The following ZFAND6 variants were observed in gnomAD, a reference collection of about 807,000 sequenced individuals.
ZFAND6 encodes the protein AN1-type zinc finger protein 6.
ZFAND6 carries 12 observed loss-of-function variants against 24.5 expected under a neutral mutation model. The ratio of observed to expected loss-of-function variants is 0.49; its 90% confidence interval spans 0.31 to 0.79. The LOEUF is 0.79. Among genes scored for constraint, ZFAND6 ranks in the 30% least tolerant of loss-of-function variants. The pLI is 0.04. For missense variants in ZFAND6, 207 were observed against 245.9 expected (o/e 0.84, Z 1.06); for synonymous variants, 92 against 81.5 (o/e 1.13, Z -0.69).
chr15:80,080,252 C>T (rs962637500), intron 1 of ZFAND6, among the ~76,000 whole-genome samples: 1 of 152,140 alleles, frequency 6.6e-6, no homozygotes, highest in Non-Finnish European at 1.5e-5. Context: ...CCACTTCGGC[C>T]TCCCAAAGGG....
upstream of ZFAND6, among the ~76,000 whole-genome samples, chr15:80,058,960 G>A (rs955433005): frequency 4.6e-5 from 7 of 152,348 alleles, no homozygotes; most frequent in East Asian, 1.4e-3. Context: ...TAGTTCCAGC[G>A]CAGCAGCCCA....
chr15:80,073,235 ACTTCATTCAAACT>A (rs2037076403), intron 1 of ZFAND6: 1 of 257,434 alleles, frequency 3.9e-6, no homozygotes, highest in African/African-American at 2.3e-5. Flanking sequence ...CTTTCTTCTT[ACTTCATTCAAACT>A]CTTCATTTCT....
chr15:80,130,687 G>C (rs1428844065), intron 5 of ZFAND6: 2 of 152,744 alleles, frequency 1.3e-5, no homozygotes, highest in South Asian at 2.1e-4. Flanking sequence ...AACATTTAAA[G>C]TGCTTTTATG....
chr15:80,105,632 A>G (rs1348616494), intron 2 of ZFAND6, among the ~76,000 whole-genome samples: 1 of 152,216 alleles, frequency 6.6e-6, no homozygotes, highest in Non-Finnish European at 1.5e-5. Flanking sequence ...ACTATCTTAA[A>G]TGAAGTACTT....
At chr15:80,081,701 GAGT>G (rs2037680762) in intron 1 of ZFAND6, among the ~76,000 whole-genome samples, 2 of 152,176 alleles carry the variant, frequency 1.3e-5, no homozygotes, top group Admixed American at 6.5e-5. Context: ...CTTATTACAA[GAGT>G]AGGTTACAGT....
chr15:80,076,512 CTGTT>C (rs1226043788), intron 1 of ZFAND6, among the ~76,000 whole-genome samples: 2 of 152,030 alleles, frequency 1.3e-5, no homozygotes, highest in African/African-American at 4.8e-5. Context: ...GCGGTCATAT[CTGTT>C]TTTCTCTGCT....
At chr15:80,086,815 C>T (rs1013563181) in intron 1 of ZFAND6, among the ~76,000 whole-genome samples, 3 of 152,238 alleles carry the variant, frequency 2.0e-5, no homozygotes, top group African/African-American at 7.2e-5. Context: ...TAAACTATAA[C>T]TCCCAATCAC....
chr15:80,085,190 G>A (rs1350857068), intron 1 of ZFAND6, among the ~76,000 whole-genome samples: 1 of 152,136 alleles, frequency 6.6e-6, no homozygotes, highest in Admixed American at 6.5e-5. Context: ...GGCTACTCCT[G>A]TTCATTATCT....
At chr15:80,060,968 A>G (rs2036301828) in intron 1 of ZFAND6, among the ~76,000 whole-genome samples, 1 of 152,238 alleles carries the variant, frequency 6.6e-6, no homozygotes, top group African/African-American at 2.4e-5. Flanking sequence ...GAGAAACAGG[A>G]TTAAATTCCT....
intron 1 of ZFAND6, chr15:80,073,201 C>T: frequency 5.1e-6 from 1 of 195,646 alleles, no homozygotes; most frequent in South Asian, 6.6e-5. Flanking sequence ...ATTAAAAAGG[C>T]CATTGATGAA....
At chr15:80,103,892 A>G (rs1440240828) in intron 2 of ZFAND6, among the ~76,000 whole-genome samples, 3 of 152,154 alleles carry the variant, frequency 2.0e-5, no homozygotes, top group Admixed American at 2.0e-4. Context: ...TCTGTCACCT[A>G]TGCAGGGGTG....
intron 2 of ZFAND6, among the ~76,000 whole-genome samples, chr15:80,114,412 C>T (rs940976902): frequency 6.6e-6 from 1 of 152,158 alleles, no homozygotes; most frequent in Non-Finnish European, 1.5e-5. Context: ...TTGAGTACTC[C>T]TCTCTGGGAC....
At chr15:80,116,888 T>A (rs371887705) in intron 2 of ZFAND6, among the ~76,000 whole-genome samples, 1 of 152,178 alleles carries the variant, frequency 6.6e-6, no homozygotes, top group African/African-American at 2.4e-5. Flanking sequence ...TACCCTGATA[T>A]AAAACTTTTT....
At chr15:80,093,615 C>G (rs531012978) in intron 1 of ZFAND6, among the ~76,000 whole-genome samples, 2 of 152,270 alleles carry the variant, frequency 1.3e-5, no homozygotes, top group African/African-American at 2.4e-5. Flanking sequence ...ATCCCAGCTA[C>G]TCAGGAGACT....
intron 2 of ZFAND6, among the ~76,000 whole-genome samples, chr15:80,119,206 A>G (rs1239873521): frequency 3.9e-5 from 6 of 152,204 alleles, no homozygotes; most frequent in East Asian, 1.9e-4. Context: ...TGTGGTTCCC[A>G]AACAATTCCC....
chr15:80,111,617 A>G, intron 2 of ZFAND6: 1 of 386,556 alleles, frequency 2.6e-6, no homozygotes, highest in Non-Finnish European at 5.2e-6. Flanking sequence ...ATATAGTGAT[A>G]TATTGCTATA....
At chr15:80,092,236 C>T (rs2038419311) in intron 1 of ZFAND6, among the ~76,000 whole-genome samples, 1 of 151,296 alleles carries the variant, frequency 6.6e-6, no homozygotes, top group African/African-American at 2.4e-5. Context: ...ACCTGTAATC[C>T]CAGCACTTCA....
intron 5 of ZFAND6, among the ~76,000 whole-genome samples, chr15:80,123,879 G>C (rs760453117): frequency 6.6e-6 from 1 of 151,942 alleles, no homozygotes; most frequent in African/African-American, 2.4e-5. Context: ...CCCCACACCC[G>C]GTCTCAAGAA....
intron 2 of ZFAND6, 24 bp from the exon 3 acceptor site, chr15:80,120,304 T>G: frequency 6.7e-7 from 1 of 1,481,894 alleles, no homozygotes; most frequent in Non-Finnish European, 9.0e-7. Context: ...TCTGAGTTCT[T>G]TGCTAATTTT....
Sources: gnomAD v4.1 joint callset for allele counts (sites outside exome capture counted in the v4.1 genomes callset) on GRCh38, gnomAD v4.1.1 for gene constraint, MANE v1.5 for transcripts, NCBI Gene and HGNC (gene_info 2026-07-23, HGNC 2026-07-21) for gene names.